Variants in ATAD2 observed in about 807,000 individuals in gnomAD.
ATAD2 encodes the protein ATPase family AAA domain containing 2, also known as ATPase family AAA domain-containing protein 2.
Under a neutral mutation model 168.9 loss-of-function variants are expected in ATAD2, and 62 were observed. The ratio of observed to expected loss-of-function variants is 0.37; its 90% CI spans 0.30 to 0.45. ATAD2 has a LOEUF of 0.45. Among genes scored for constraint, ATAD2 ranks in the 20% least tolerant of loss-of-function variants. The pLI is 1.00. For missense variants in ATAD2, 1,419 were observed against 1,667.8 expected (o/e 0.85, Z 2.60); for synonymous variants, 613 against 571.6 (o/e 1.07, Z -1.03).
At chr8:123,357,183 C>A (rs968839294) in intron 12 of ATAD2, among the ~76,000 whole-genome samples, 1 of 152,150 alleles carries the variant, frequency 6.6e-6, no homozygotes, top group African/African-American at 2.4e-5. Flanking sequence ...AAAGTATTAT[C>A]TTACAATGTG....
At chr8:123,404,674 C>T (rs1314797602) in intron 1 of ATAD2, among the ~76,000 whole-genome samples, 1 of 151,786 alleles carries the variant, frequency 6.6e-6, no homozygotes, top group Non-Finnish European at 1.5e-5. Flanking sequence ...TCAAGTGATT[C>T]TCCTGCCTCA....
At chr8:123,380,917 T>G in intron 1 of ATAD2, 1 of 445,982 alleles carries the variant, frequency 2.2e-6, no homozygotes, top group Non-Finnish European at 4.0e-6. Flanking sequence ...TCATAACAAG[T>G]AGTTCATAAC....
At chr8:123,372,532 TA>T in intron 3 of ATAD2, 104 bp downstream of exon 3, 1 of 838,236 alleles carries the variant, frequency 1.2e-6, no homozygotes, top group Non-Finnish European at 1.8e-6. Context: ...CCTAACAAAT[TA>T]TACACTTTAA....
At chr8:123,408,538 C>G (rs554719586) in intron 1 of ATAD2, among the ~76,000 whole-genome samples, 5 of 152,220 alleles carry the variant, frequency 3.3e-5, no homozygotes, top group Admixed American at 3.3e-4. Context: ...CTTTTTGAGG[C>G]AGAGTTTCAC....
intron 19 of ATAD2, among the ~76,000 whole-genome samples, chr8:123,340,699 C>T (rs1047905763): frequency 4.6e-5 from 7 of 152,100 alleles, no homozygotes; most frequent in Non-Finnish European, 8.8e-5. Context: ...CTAAATAAGA[C>T]ACAAAAGACA....
chr8:123,413,157 CG>C (rs1813186194), intron 1 of ATAD2, among the ~76,000 whole-genome samples: 1 of 151,706 alleles, frequency 6.6e-6, no homozygotes, highest in South Asian at 2.1e-4. Context: ...CTAGCAGACA[CG>C]ACTGGCCTAA....
intron 24 of ATAD2, 58 bp downstream of exon 24, chr8:123,333,820 T>G (rs1827843065): frequency 6.7e-7 from 1 of 1,490,464 alleles, no homozygotes; most frequent in Non-Finnish European, 9.0e-7. Flanking sequence ...AGAAAGTTAA[T>G]GGCATTAGAA....
At position 123,362,646 on chromosome 8, in the gene ATAD2, G is replaced by C. The variant is rs190475950; in HGVS notation, c.1050-1000C>G. Among the ~76,000 whole-genome samples, 1,236 of 151,510 alleles carry C rather than the reference G, an allele frequency of 8.2e-3. 9 individuals are homozygous for C. The highest frequency in any genetic ancestry group is 0.014 in the Non-Finnish European group (933 of 67,876). Reference sequence around the variant, plus strand: ...TTGGCCAGGCTGGTCTTGAACTCCTGACCTTGTGATCCGCCCGCCTCAGCC... The same window carrying C: ...TTGGCCAGGCTGGTCTTGAACTCCTCACCTTGTGATCCGCCCGCCTCAGCC... On this transcript the variant is annotated intron_variant, in intron 8 of 27. Transcript: ENST00000287394.
rs201462061 is a variant in ATAD2, at chr8:123,359,282, T to C, written c.1321A>G (p.Met441Val). 6.2e-6 allele frequency: 10 copies of C among 1,612,874 alleles called. No homozygotes were observed. The Admixed American group carries it at 1.2e-4, about 19-fold the overall frequency. ...LSNHIAALKE[M>V]VVFPLLYPEV... ...GGATAAAGTAATGGAAACACCACCATCTCTTTTAGAGCTGCTATATGATTA... is the reference window on the plus strand; with the variant it reads ...GGATAAAGTAATGGAAACACCACCACCTCTTTTAGAGCTGCTATATGATTA... Residue 441 changes from methionine (M) to valine (V), a missense_variant, in exon 11 of 28, where the codon ATG (methionine) becomes GTG (valine). Transcript: ENST00000287394.
intron 26 of ATAD2, among the ~76,000 whole-genome samples, chr8:123,324,353 A>G (rs1161234030): frequency 6.6e-6 from 1 of 152,250 alleles, no homozygotes; most frequent in African/African-American, 2.4e-5. Flanking sequence ...TCTCTGATAA[A>G]CATATAATGT....
chr8:123,353,361 CACAAA>C (rs1828535188), intron 13 of ATAD2, among the ~76,000 whole-genome samples: 1 of 152,010 alleles, frequency 6.6e-6, no homozygotes, highest in East Asian at 1.9e-4. Context: ...GAGACTCTGT[CACAAA>C]ACAACAACAA....
In ATAD2 at chr8:123,402,082, G is replaced by T. The variant is rs564381147; in HGVS notation, c.-2281-907C>A. The T allele has an allele frequency of 2.3e-6, 3 of 1,301,016 alleles. No homozygotes were observed. Among genetic ancestry groups the T allele is most frequent in the Non-Finnish European group, 3.3e-6 (3 of 903,842 alleles). 80.6% of individuals were successfully genotyped at this position (1,301,016 alleles called of 1,614,324 possible). A position where few individuals can be genotyped will look rare whatever the true frequency, so the allele number is the denominator to read the frequency against. ...AGATTGAGGGTGGCGTCCATGGCCT[G>T]CACTCTTAGGAGAAGCGGCTGTACT... is the stretch of plus-strand genomic sequence containing the variant. On this transcript the variant is annotated intron_variant, in intron 1 of 28. Transcript: ENST00000521903. This position sits in a 1 kb window ranked among gnomAD's most constrained non-coding sequence, Gnocchi z 4.8.
chr8:123,338,887 T>G (rs925478839), intron 20 of ATAD2, among the ~76,000 whole-genome samples: 3 of 152,138 alleles, frequency 2.0e-5, no homozygotes, highest in African/African-American at 7.2e-5. Context: ...ACACAGACCC[T>G]GTCTCAAAAA....
intron 1 of ATAD2, among the ~76,000 whole-genome samples, chr8:123,412,834 CT>C (rs1813180720): frequency 6.6e-6 from 1 of 152,132 alleles, no homozygotes; most frequent in African/African-American, 2.4e-5. Context: ...TCTAGCATGG[CT>C]TCTAGCAGTA....
chr8:123,342,526 T>G (rs1014287295), intron 19 of ATAD2: 2 of 151,616 alleles, frequency 1.3e-5, no homozygotes, highest in Admixed American at 1.3e-4. Flanking sequence ...CTTCAATAAG[T>G]TGGATTTTTA....
chr8:123,404,489 A>T (rs113886430), intron 1 of ATAD2, among the ~76,000 whole-genome samples: 2 of 149,516 alleles, frequency 1.3e-5, no homozygotes, highest in African/African-American at 4.9e-5. Context: ...GTAAGTCCAC[A>T]CTCTGCTTTC....
intron 1 of ATAD2, among the ~76,000 whole-genome samples, chr8:123,393,856 G>T (rs1389930568): frequency 2.0e-5 from 3 of 152,078 alleles, no homozygotes; most frequent in Non-Finnish European, 4.4e-5. Context: ...GGCGGAAACT[G>T]CAGCAAGCCG....
At chr8:123,388,243 T>G (rs949336001) in intron 1 of ATAD2, among the ~76,000 whole-genome samples, 2 of 152,188 alleles carry the variant, frequency 1.3e-5, no homozygotes, top group African/African-American at 4.8e-5. Context: ...TCACCCAGGC[T>G]GGAGTACAGT....
intron 2 of ATAD2, among the ~76,000 whole-genome samples, chr8:123,374,179 T>G (rs1563857558): frequency 6.6e-6 from 1 of 151,946 alleles, no homozygotes; most frequent in African/African-American, 2.4e-5. Context: ...CATCTCTAGT[T>G]AAAAACAAAC....
Sources: gnomAD v4.1 joint callset for allele counts (sites outside exome capture counted in the v4.1 genomes callset) on GRCh38, gnomAD v4.1.1 for gene constraint, Gnocchi (gnomAD v3.1) non-coding constraint, MANE v1.5 for transcripts, NCBI Gene and HGNC (gene_info 2026-07-23, HGNC 2026-07-21) for gene names.